Variants in DNAH8 observed in about 807,000 individuals in gnomAD.
DNAH8 encodes the protein axonemal beta dynein heavy chain 8.
A neutral mutation model predicts 562.1 loss-of-function variants in DNAH8; 382 were observed. That is an observed-to-expected ratio of 0.68 (90% CI 0.63 to 0.74). DNAH8 has a LOEUF of 0.74. Among genes scored for constraint, DNAH8 ranks in the 30% least tolerant of loss-of-function variants. The pLI is 0.00. For synonymous variants in DNAH8, 1,881 were observed against 1,919.4 expected, an observed-to-expected ratio of 0.98 and a Z score of 0.52; for missense variants, 5,203 against 5,620.4, an observed-to-expected ratio of 0.93 and a Z score of 2.37.
intron 11 of DNAH8, chr6:38,763,297 G>C (rs1330575095): frequency 4.2e-6 from 1 of 237,390 alleles, no homozygotes; most frequent in African/African-American, 2.3e-5. Context: ...TTCTAAACCT[G>C]GTGTTATGAA....
At chr6:39,010,782 C>T (rs964215144) in intron 89 of DNAH8, among the ~76,000 whole-genome samples, 4 of 139,634 alleles carry the variant, frequency 2.9e-5, no homozygotes, top group Non-Finnish European at 3.1e-5. Context: ...TATATATATA[C>T]ACACACACGC....
chr6:38,893,251 C>A (rs2150491693), intron 58 of DNAH8, among the ~76,000 whole-genome samples: 1 of 152,334 alleles, frequency 6.6e-6, no homozygotes, highest in South Asian at 2.1e-4. Context: ...CCCATCTTCA[C>A]AAAGCACTCT....
At chr6:38,971,232 T>TAAA (rs1763323092) in intron 82 of DNAH8, among the ~76,000 whole-genome samples, 1 of 152,148 alleles carries the variant, frequency 6.6e-6, no homozygotes, top group East Asian at 1.9e-4. Context: ...ACAGCAAAAC[T>TAAA]AAAAAATCCT....
intron 82 of DNAH8, among the ~76,000 whole-genome samples, chr6:38,958,456 G>T (rs985966266): frequency 6.8e-6 from 1 of 146,632 alleles, no homozygotes; most frequent in Non-Finnish European, 1.5e-5. Flanking sequence ...CATCATAACT[G>T]ATAACACAGA....
intron 89 of DNAH8, among the ~76,000 whole-genome samples, chr6:39,010,483 A>G (rs1766115636): frequency 6.6e-6 from 1 of 152,162 alleles, no homozygotes; most frequent in Non-Finnish European, 1.5e-5. Flanking sequence ...ACTCAAAATC[A>G]GGACTAGAAT....
intron 28 of DNAH8, among the ~76,000 whole-genome samples, chr6:38,824,043 C>T (rs1206787266): frequency 1.3e-5 from 2 of 152,128 alleles, no homozygotes; most frequent in African/African-American, 4.8e-5. Flanking sequence ...TTTTAGGTTA[C>T]TGTAAGGAGG....
intron 79 of DNAH8, among the ~76,000 whole-genome samples, chr6:38,941,502 A>AT (rs962377352): frequency 1.3e-5 from 2 of 152,052 alleles, no homozygotes; most frequent in South Asian, 2.1e-4. Flanking sequence ...TGTGGTTCAT[A>AT]TTTTTTTCAC....
intron 17 of DNAH8, among the ~76,000 whole-genome samples, chr6:38,785,026 G>A (rs930508777): frequency 1.2e-4 from 19 of 152,168 alleles, no homozygotes; most frequent in African/African-American, 4.6e-4. Flanking sequence ...GGCCTCTATT[G>A]GGTGCACTAT....
In DNAH8 at chr6:38,973,780, G is replaced by A; in HGVS notation, c.12645G>A (p.Glu4215=). The change falls in exon 84 of 93, where the codon GAG becomes GAA. Residue 4215 remains glutamate, a synonymous_variant. Transcript: ENST00000327475. ...CTTTCCGAGTATGGATAACTACGGA[G>A]CCCCATGATCGATTTCCAATTACAT... ...DDSFRVWITT[E]PHDRFPITLL... is the part of the protein sequence containing the mutation. The A allele has an allele frequency of 1.2e-6, 2 of 1,608,624 alleles. No individual in the cohort carries two copies. Among genetic ancestry groups the A allele is most frequent in the Non-Finnish European group, 1.7e-6 (2 of 1,178,218 alleles).
intron 82 of DNAH8, among the ~76,000 whole-genome samples, chr6:38,961,152 A>G (rs1762581441): frequency 6.6e-6 from 1 of 152,000 alleles, no homozygotes; most frequent in African/African-American, 2.4e-5. Context: ...GAATTAGAGT[A>G]GAATAGTGGC....
chr6:38,883,328 T>C lies in DNAH8; in HGVS notation c.8008T>C (p.Leu2670=). ...TATTATCCTATGATTGCAGGCTGTT[T>C]TGCTCACAGGAGAGCAGGGAACTGC... ...DTIAKQHKAV[L]LTGEQGTAKT... is the part of the protein sequence containing the mutation. The change falls in exon 55 of 93, where the codon TTG becomes CTG. Residue 2670 remains leucine (L), a synonymous_variant. Coordinates refer to ENST00000327475, the MANE Select transcript of DNAH8 (RefSeq NM_001206927.2). The C allele has an allele frequency of 1.2e-6, 2 of 1,606,336 alleles. No homozygotes were observed. Among genetic ancestry groups the C allele is most frequent in the Non-Finnish European group, 1.7e-6 (2 of 1,177,156 alleles).
In DNAH8 at chr6:38,761,711, CA is replaced by C; in HGVS notation, c.1528del (p.Met510TrpfsTer2). ...CCTATATTTATTTCAGGTAACAAAT[CA>C]AATGGTAACAGCATGTAAAGCATAT... ...MTSLFIKVTN[Q>X]MVTACKAYIT... On this transcript the variant is annotated frameshift_variant, in exon 11 of 93. Coordinates refer to ENST00000327475, the MANE Select transcript of DNAH8 (RefSeq NM_001206927.2). LOFTEE classifies it high-confidence loss of function. The C allele has an allele frequency of 6.6e-7, 1 of 1,511,956 alleles. No individual in the cohort carries two copies. Among genetic ancestry groups the C allele is most frequent in the South Asian group, 1.3e-5 (1 of 78,416 alleles). 93.7% of individuals were successfully genotyped at this position (1,511,956 alleles called of 1,614,324 possible). A position where few individuals can be genotyped will look rare whatever the true frequency, so the allele number is the denominator to read the frequency against.
chr6:38,917,603 C>G (rs572003084), intron 69 of DNAH8, among the ~76,000 whole-genome samples, 197 bp downstream of exon 69: 27 of 152,272 alleles, frequency 1.8e-4, no homozygotes, highest in Middle Eastern at 3.4e-3. Context: ...GACATCTGTC[C>G]AGAACCGGTG....
At chr6:38,838,116 T>G in intron 33 of DNAH8, 74 bp downstream of exon 33, 6 of 940,414 alleles carry the variant, frequency 6.4e-6, no homozygotes, top group Non-Finnish European at 8.2e-6. Flanking sequence ...ATGTCACCAT[T>G]AAATCCTTTA....
intron 70 of DNAH8, among the ~76,000 whole-genome samples, chr6:38,920,662 G>T (rs991705751): frequency 2.0e-5 from 3 of 151,908 alleles, no homozygotes; most frequent in Non-Finnish European, 2.9e-5. Context: ...GTAGGAAAAA[G>T]GTTAATTATG....
At chr6:38,805,879 A>G in intron 23 of DNAH8, among the ~76,000 whole-genome samples, 1 of 152,130 alleles carries the variant, frequency 6.6e-6, no homozygotes, top group East Asian at 1.9e-4. Context: ...GACGTCAGGG[A>G]TTGGAGCAGC....
intron 87 of DNAH8, among the ~76,000 whole-genome samples, chr6:38,987,755 T>C (rs1764497877): frequency 6.6e-6 from 1 of 152,214 alleles, no homozygotes; most frequent in Non-Finnish European, 1.5e-5. Context: ...ATCTTCTCTT[T>C]GCCCTACATC....
chr6:38,739,586 C>T (rs561598513), intron 7 of DNAH8, among the ~76,000 whole-genome samples: 5 of 152,182 alleles, frequency 3.3e-5, no homozygotes, highest in South Asian at 2.1e-4. Context: ...GCAAGAGGAT[C>T]GCTTGAGCCC....
At chr6:38,724,128 C>A (rs1763009211) in intron 3 of DNAH8, among the ~76,000 whole-genome samples, 1 of 151,964 alleles carries the variant, frequency 6.6e-6, no homozygotes. Context: ...CAGGCACGCA[C>A]CACCACGCCC....
Sources: gnomAD v4.1 joint callset for allele counts (sites outside exome capture counted in the v4.1 genomes callset) on GRCh38, gnomAD v4.1.1 for gene constraint, MANE v1.5 for transcripts, NCBI Gene and HGNC (gene_info 2026-07-23, HGNC 2026-07-21) for gene names.